RTN4IP1: variants seen among roughly 807,000 people sequenced by gnomAD.
RTN4IP1 encodes the protein reticulon 4 interacting protein 1.
Under a neutral mutation model 46.6 loss-of-function variants are expected in RTN4IP1, and 32 were observed. The observed-to-expected ratio is 0.69, with a 90% CI of 0.52 to 0.92. The LOEUF is 0.92. Ranked by LOEUF, RTN4IP1 falls within the 40% of genes least tolerant of loss-of-function variation. The pLI, the probability that RTN4IP1 is intolerant of heterozygous loss-of-function variation, is 0.00. For synonymous variants in RTN4IP1, 167 were observed against 161.8 expected (o/e 1.03, Z -0.24); for missense variants, 424 against 485.8 (o/e 0.87, Z 1.20).
At position 106,592,181 on chromosome 6, in the gene RTN4IP1, C is replaced by T. The variant is rs1397895111; in HGVS notation, c.789G>A (p.Gln263=). ...IDYKSGSVEE[Q]LKSLKPFDFI... ...ATACATACGGTTTTAAGGATTTCAA[C>T]TGCTCTTCCACACTTCCAGATTTGT... Residue 263 remains glutamine, a synonymous_variant, in exon 6 of 9, where the codon CAG becomes CAA. Coordinates refer to ENST00000369063, the MANE Select transcript of RTN4IP1 (RefSeq NM_032730.5). The T allele has an allele frequency of 6.2e-7, 1 of 1,614,006 alleles. No individual in the cohort carries two copies.
At chr6:106,619,443 G>T in intron 3 of RTN4IP1, 117 bp from the exon 4 acceptor site, 2 of 1,192,564 alleles carry the variant, frequency 1.7e-6, no homozygotes, top group Non-Finnish European at 2.3e-6. Flanking sequence ...GGTTTGAATT[G>T]TGCAAGTCCA....
At chr6:106,607,128 G>A (rs1461032660) in intron 4 of RTN4IP1, among the ~76,000 whole-genome samples, 4 of 151,992 alleles carry the variant, frequency 2.6e-5, no homozygotes. Context: ...TATGACAAAG[G>A]CAACAAGAAT....
chr6:106,600,487 A>G (rs1168730113), intron 5 of RTN4IP1, among the ~76,000 whole-genome samples: 2 of 152,222 alleles, frequency 1.3e-5, no homozygotes, highest in Non-Finnish European at 2.9e-5. Flanking sequence ...TACACTCACA[A>G]TGTTGTGCAA....
intron 4 of RTN4IP1, among the ~76,000 whole-genome samples, chr6:106,610,997 T>C (rs1238892116): frequency 1.3e-5 from 2 of 152,052 alleles, no homozygotes; most frequent in Admixed American, 6.6e-5. Flanking sequence ...AATCACAGTT[T>C]TCAGTATTGT....
chr6:106,603,952 T>G (rs1162175041), intron 4 of RTN4IP1, among the ~76,000 whole-genome samples: 1 of 152,196 alleles, frequency 6.6e-6, no homozygotes, highest in African/African-American at 2.4e-5. Context: ...ACAGAATTCA[T>G]GAGAATTCTC....
intron 4 of RTN4IP1, among the ~76,000 whole-genome samples, chr6:106,609,062 G>T (rs1223089711): frequency 1.3e-5 from 2 of 152,096 alleles, no homozygotes; most frequent in African/African-American, 4.8e-5. Context: ...ACCTGCTGAG[G>T]TCTCCTTTCC....
At chr6:106,618,603 T>C (rs973529248) in intron 4 of RTN4IP1, among the ~76,000 whole-genome samples, 2 of 152,194 alleles carry the variant, frequency 1.3e-5, no homozygotes, top group African/African-American at 4.8e-5. Flanking sequence ...AGAATCTACA[T>C]ATAAACTCAA....
chr6:106,584,702 T>G (rs1350041768), intron 7 of RTN4IP1, among the ~76,000 whole-genome samples: 4 of 152,238 alleles, frequency 2.6e-5, no homozygotes, highest in Non-Finnish European at 5.9e-5. Context: ...AAGTATTCTA[T>G]CAATACTTGT....
At chr6:106,592,363 T>C in intron 5 of RTN4IP1, 63 bp from the exon 6 acceptor site, 1 of 1,535,744 alleles carries the variant, frequency 6.5e-7, no homozygotes, top group African/African-American at 1.4e-5. Flanking sequence ...CTGACTGCAT[T>C]GAAAAAAAAA....
intron 6 of RTN4IP1, among the ~76,000 whole-genome samples, chr6:106,590,190 G>A (rs1022926729): frequency 6.6e-6 from 1 of 151,856 alleles, no homozygotes; most frequent in Non-Finnish European, 1.5e-5. Flanking sequence ...TGTGATGGTG[G>A]GTGCCTGTAA....
At chr6:106,590,678 G>A (rs947498535) in intron 6 of RTN4IP1, among the ~76,000 whole-genome samples, 4 of 125,700 alleles carry the variant, frequency 3.2e-5, no homozygotes, top group Admixed American at 2.1e-4. Context: ...TCGTGCCACT[G>A]CACTCCAGCC....
chr6:106,610,573 T>C (rs1776200306), intron 4 of RTN4IP1, among the ~76,000 whole-genome samples: 1 of 152,170 alleles, frequency 6.6e-6, no homozygotes, highest in African/African-American at 2.4e-5. Context: ...CCACACTATA[T>C]ATTCGAATCT....
chr6:106,612,480 G>A lies in RTN4IP1; in HGVS notation c.620+6722C>T, dbSNP rs184068641. On this transcript the variant is annotated intron_variant, in intron 4 of 8. Transcript: ENST00000369063. Reference sequence around the variant, plus strand: ...GTGAGGTCAGAGGATTTACCATGGAGCCAATGAAGCCGAAGCCCTTCACTT... The same window carrying A: ...GTGAGGTCAGAGGATTTACCATGGAACCAATGAAGCCGAAGCCCTTCACTT... Among the ~76,000 whole-genome samples the A allele has an allele frequency of 1.1e-3, 160 of 150,704 alleles. 1 individual carries two copies. Among genetic ancestry groups the A allele is most frequent in the Admixed American group, 3.2e-3 (48 of 15,116 alleles).
At chr6:106,613,494 A>G (rs1218868714) in intron 4 of RTN4IP1, among the ~76,000 whole-genome samples, 2 of 152,244 alleles carry the variant, frequency 1.3e-5, no homozygotes, top group African/African-American at 4.8e-5. Context: ...AGACAACACT[A>G]TATGGAAGAG....
chr6:106,603,345 G>C (rs902069400), intron 4 of RTN4IP1, among the ~76,000 whole-genome samples: 1 of 152,124 alleles, frequency 6.6e-6, no homozygotes, highest in Admixed American at 6.6e-5. Flanking sequence ...TCACCAAAGC[G>C]AAATAAACAT....
At chr6:106,621,576 T>C (rs72945075) in intron 2 of RTN4IP1, 83 bp from the exon 3 acceptor site, 6 of 1,109,910 alleles carry the variant, frequency 5.4e-6, no homozygotes, top group African/African-American at 3.1e-5. Flanking sequence ...TTCCCTAATA[T>C]ATACCCTGTG....
At chr6:106,620,081 T>C (rs1297622625) in intron 3 of RTN4IP1, among the ~76,000 whole-genome samples, 4 of 151,960 alleles carry the variant, frequency 2.6e-5, no homozygotes, top group Non-Finnish European at 5.9e-5. Flanking sequence ...ACATAACATA[T>C]AAAATATGTG....
chr6:106,602,480 T>C (rs551465117), intron 5 of RTN4IP1, among the ~76,000 whole-genome samples: 10 of 152,186 alleles, frequency 6.6e-5, no homozygotes, highest in Admixed American at 5.2e-4. Context: ...CATTGGCTGT[T>C]TCCTATTAAA....
At chr6:106,603,336 C>T (rs1220246033) in intron 4 of RTN4IP1, among the ~76,000 whole-genome samples, 1 of 152,156 alleles carries the variant, frequency 6.6e-6, no homozygotes, top group Non-Finnish European at 1.5e-5. Flanking sequence ...ACTACATTCT[C>T]ACCAAAGCGA....
Sources: gnomAD v4.1 joint callset for allele counts (sites outside exome capture counted in the v4.1 genomes callset) on GRCh38, gnomAD v4.1.1 for gene constraint, MANE v1.5 for transcripts, NCBI Gene and HGNC (gene_info 2026-07-23, HGNC 2026-07-21) for gene names.